COL4A2: variants seen among roughly 807,000 people sequenced by gnomAD.
COL4A2 encodes the protein collagen type IV alpha 2 chain.
Under a neutral mutation model 200.2 loss-of-function variants are expected in COL4A2, and 99 were observed. The observed-to-expected ratio is 0.49, with a 90% CI of 0.42 to 0.58. The LOEUF (loss-of-function observed/expected upper bound fraction) is 0.58, where lower values mean the gene tolerates loss of function less well. Ranked by LOEUF, COL4A2 falls within the 20% of genes least tolerant of loss-of-function variation. The pLI is 0.00. For missense variants in COL4A2, 1,950 were observed against 2,314.1 expected (o/e 0.84, Z 3.23); for synonymous variants, 897 against 900.6 (o/e 1.00, Z 0.07).
At chr13:110,499,130 T>C (rs1221649409) in intron 40 of COL4A2, among the ~76,000 whole-genome samples, 1 of 152,242 alleles carries the variant, frequency 6.6e-6, no homozygotes, top group African/African-American at 2.4e-5. Context: ...CACACACTCT[T>C]CTCTCAAAAT....
Position 110,329,446 on chromosome 13 carries a change from G to A in COL4A2, c.99+21323G>A, listed in dbSNP as rs191153064. Among the ~76,000 whole-genome samples, 7 of 152,296 alleles carry A rather than the reference G, an allele frequency of 4.6e-5. No individual in the cohort carries two copies. The East Asian group carries it at 5.8e-4, about 13-fold the overall frequency. The stretch of plus-strand genomic sequence containing the variant: ...GGGGAAGGCGTCTAGTGGTCCCTCC[G>A]TACCACAGAGCATTCCCACCCTCTT... On this transcript the variant is annotated intron_variant, in intron 3 of 47. Transcript: ENST00000360467.
At chr13:110,331,672 TC>T (rs1875919349) in intron 3 of COL4A2, among the ~76,000 whole-genome samples, 3 of 152,252 alleles carry the variant, frequency 2.0e-5, no homozygotes, top group Admixed American at 2.0e-4. Flanking sequence ...GAGGCAATAT[TC>T]CAAACACCGA....
chr13:110,422,947 C>T (rs1880311375), intron 4 of COL4A2, among the ~76,000 whole-genome samples: 1 of 152,274 alleles, frequency 6.6e-6, no homozygotes, highest in South Asian at 2.1e-4. Context: ...GCATTATGAA[C>T]ATTCTGTGAA....
chr13:110,325,328 T>C (rs755626596), intron 3 of COL4A2, among the ~76,000 whole-genome samples: 5 of 152,204 alleles, frequency 3.3e-5, no homozygotes, highest in Admixed American at 6.5e-5. Context: ...ACCTGTTACC[T>C]CCCTAAGTTG....
intron 4 of COL4A2, among the ~76,000 whole-genome samples, chr13:110,371,740 AGGGC>A (rs1159962301): frequency 1.3e-5 from 2 of 152,148 alleles, no homozygotes; most frequent in African/African-American, 4.8e-5. Context: ...AGCATAGTGT[AGGGC>A]GGGCGGCGGG....
chr13:110,309,533 G>C (rs891180586), intron 3 of COL4A2, among the ~76,000 whole-genome samples: 19 of 152,226 alleles, frequency 1.2e-4, no homozygotes, highest in African/African-American at 4.6e-4. Flanking sequence ...ACATCGGGCT[G>C]TGTGTGCTTT....
intron 4 of COL4A2, among the ~76,000 whole-genome samples, chr13:110,380,471 GTC>G (rs1391013266): frequency 3.3e-5 from 5 of 152,174 alleles, no homozygotes; most frequent in Non-Finnish European, 7.4e-5. Context: ...TTTTAAATAA[GTC>G]TCTATTTGTA....
At chr13:110,454,605 G>C (rs918387341) in intron 20 of COL4A2, among the ~76,000 whole-genome samples, 1 of 152,082 alleles carries the variant, frequency 6.6e-6, no homozygotes, top group Non-Finnish European at 1.5e-5. Context: ...AGCAGTGCGG[G>C]GTGCGGCCGC....
chr13:110,383,851 A>T (rs896191813), intron 4 of COL4A2, among the ~76,000 whole-genome samples: 18 of 152,214 alleles, frequency 1.2e-4, no homozygotes, highest in Admixed American at 9.8e-4. Context: ...GTCTCAAGCT[A>T]TCTGACCACC....
chr13:110,392,746 C>T (rs1879035532), intron 4 of COL4A2, among the ~76,000 whole-genome samples: 1 of 152,194 alleles, frequency 6.6e-6, no homozygotes, highest in Non-Finnish European at 1.5e-5. Context: ...ATTTCCTGCT[C>T]TGGAAACCAT....
intron 3 of COL4A2, among the ~76,000 whole-genome samples, chr13:110,346,499 C>T (rs536637978): frequency 4.6e-4 from 70 of 152,280 alleles, no homozygotes; most frequent in African/African-American, 1.5e-3. Context: ...CCAAGACATT[C>T]GAAGACAGGC....
At chr13:110,437,867 G>A (rs1880954475) in intron 13 of COL4A2, 135 bp from the exon 14 acceptor site, 1 of 756,646 alleles carries the variant, frequency 1.3e-6, no homozygotes, top group Non-Finnish European at 2.3e-6. Context: ...TAAGAGTCAT[G>A]TGTTGTAATC....
intron 3 of COL4A2, among the ~76,000 whole-genome samples, chr13:110,349,513 C>T (rs1436760579): frequency 2.0e-5 from 3 of 152,242 alleles, no homozygotes; most frequent in African/African-American, 4.8e-5. Flanking sequence ...GCTCCAACTC[C>T]ACTGTATCCC....
intron 3 of COL4A2, among the ~76,000 whole-genome samples, chr13:110,319,917 A>T (rs1885235010): frequency 6.6e-6 from 1 of 152,226 alleles, no homozygotes; most frequent in African/African-American, 2.4e-5. Flanking sequence ...GTTGTAAAAC[A>T]AGGAATCTTA....
intron 16 of COL4A2, 74 bp downstream of exon 16, chr13:110,439,907 G>A: frequency 2.6e-6 from 4 of 1,543,144 alleles, no homozygotes; most frequent in Non-Finnish European, 3.5e-6. Flanking sequence ...ATAGGCCTTG[G>A]CATCTCAGGA....
chr13:110,457,601 G>T (rs577889275), intron 21 of COL4A2, 166 bp downstream of exon 21: 4 of 700,908 alleles, frequency 5.7e-6, no homozygotes, highest in Non-Finnish European at 5.3e-6. Context: ...AGAGGGAGGC[G>T]CATGGAGCCA....
At chr13:110,333,266 C>T (rs1876011625) in intron 3 of COL4A2, among the ~76,000 whole-genome samples, 1 of 152,254 alleles carries the variant, frequency 6.6e-6, no homozygotes, top group Non-Finnish European at 1.5e-5. Flanking sequence ...CCACCGCTTA[C>T]TCTTTGTTAA....
chr13:110,402,354 G>A (rs559741026), intron 4 of COL4A2, among the ~76,000 whole-genome samples: 1 of 152,328 alleles, frequency 6.6e-6, no homozygotes, highest in African/African-American at 2.4e-5. Context: ...AAAGACTAAA[G>A]GAGTAAGTGA....
intron 3 of COL4A2, among the ~76,000 whole-genome samples, chr13:110,317,603 G>T (rs899756296): frequency 7.2e-5 from 11 of 152,176 alleles, no homozygotes; most frequent in African/African-American, 2.7e-4. Context: ...CTGCACTCAG[G>T]AGAGGCCCTT....
Sources: gnomAD v4.1 joint callset for allele counts (sites outside exome capture counted in the v4.1 genomes callset) on GRCh38, gnomAD v4.1.1 for gene constraint, MANE v1.5 for transcripts, NCBI Gene and HGNC (gene_info 2026-07-23, HGNC 2026-07-21) for gene names.